The following SLC39A4 variants were observed in gnomAD, a reference collection of about 807,000 sequenced individuals.
SLC39A4 encodes solute carrier family 39 member 4, also known as zinc transporter ZIP4.
Under a neutral mutation model 56.6 loss-of-function variants are expected in SLC39A4, and 49 were observed. The ratio of observed to expected loss-of-function variants is 0.87; its 90% CI spans 0.69 to 1.10. The LOEUF (loss-of-function observed/expected upper bound fraction) is 1.10. Ranked by LOEUF, SLC39A4 falls within the 50% of genes least tolerant of loss-of-function variation. The probability of loss-of-function intolerance (pLI) is 0.00; values close to 1 mark genes in which losing one functional copy is unlikely to be tolerated. For synonymous variants in SLC39A4, 540 were observed against 420.4 expected (o/e 1.28, Z -3.48); for missense variants, 993 against 864.2 (o/e 1.15, Z -1.87).
At position 144,412,589 on chromosome 8, in the gene SLC39A4, G is replaced by A. The variant is rs369599260; in HGVS notation, c.1893C>T (p.Gly631=). 5.6e-6 allele frequency: 9 copies of A among 1,614,186 alleles called. No individual in the cohort carries two copies. The South Asian group carries it at 9.9e-5, about 18-fold the overall frequency. ...FLLHNVGLLG[G]WTVLLLLSLY... ...GGGACAGCAGCAGCAGGACGGTCCAGCCGCCCAGCAGGCCCACGTTGTGCA... is the reference window on the plus strand; with the variant it reads ...GGGACAGCAGCAGCAGGACGGTCCAACCGCCCAGCAGGCCCACGTTGTGCA... Residue 631 remains glycine (G), a synonymous_variant, in exon 12 of 12, where the codon GGC becomes GGT. Transcript: ENST00000301305.
rs201793280 is a variant in SLC39A4 at position 144,415,354 on chromosome 8, G to A, written c.540C>T (p.Gly180=). ...AVGAGAPGSA[G]GVLAALLDHV... ...GGTCCAGCAGGGCAGCCAGGACGCC[G>A]CCAGCACTGCCCGGAGCCCCCGCCC... is the stretch of plus-strand genomic sequence containing the variant. Residue 180 remains glycine, a synonymous_variant, in exon 3 of 12, where the codon GGC becomes GGT. Transcript: ENST00000301305. 1.4e-4 allele frequency: 226 copies of A among 1,611,082 alleles called. No individual in the cohort carries two copies. The highest frequency in any genetic ancestry group is 8.4e-4 in the Admixed American group (50 of 59,774).
rs1174604218 is a variant in SLC39A4, at chr8:144,412,639, G to A, written c.1843C>T (p.Pro615Ser). The change falls in exon 12 of 12, where the codon CCG (proline) becomes TCG (serine). Residue 615 changes from proline (P) to serine (S), a missense_variant. By Grantham distance (74) the Pro-to-Ser change is moderately conservative. Coordinates refer to ENST00000301305, the MANE Select transcript of SLC39A4 (RefSeq NM_130849.4). ...AGCAGGAAGAGGAGCCAGGGCCGCG[G>A]GTCCCGTACTTTCAACATCGCCGGG... is the stretch of plus-strand genomic sequence containing the variant. Reference protein sequence around the residue: ...MLPAMLKVRDPRPWLLFLLHN... With the variant: ...MLPAMLKVRDSRPWLLFLLHN... The A allele has an allele frequency of 2.5e-6, 4 of 1,614,104 alleles. No homozygotes were observed. In the African/African-American group the frequency reaches 4.0e-5, roughly 16 times the overall value.
intron 7 of SLC39A4, 28 bp from the exon 8 acceptor site, chr8:144,413,909 C>T (rs1554872712): frequency 7.5e-6 from 12 of 1,609,752 alleles, no homozygotes; most frequent in Non-Finnish European, 1.0e-5. Context: ...CAGTGTCCAC[C>T]AGGCCCCCAG....
chr8:144,415,778 C>A (rs1554873756), intron 2 of SLC39A4, 32 bp downstream of exon 2: 1 of 1,578,862 alleles, frequency 6.3e-7, no homozygotes, highest in East Asian at 2.3e-5. Context: ...CCTCCTCACC[C>A]ACTCCCCTGG....
In SLC39A4 at chr8:144,414,715, G is replaced by A. The variant is rs782544692; in HGVS notation, c.976+10C>T. ...TGTGCTGCCAGCACAATGTCGGCGTGGGCACTCACTCTCTGACTGGCTGAG... is the reference window on the plus strand; with the variant it reads ...TGTGCTGCCAGCACAATGTCGGCGTAGGCACTCACTCTCTGACTGGCTGAG... On this transcript the variant is annotated intron_variant, in intron 5 of 11. Transcript: ENST00000301305. 3 of 1,612,220 alleles carry A rather than the reference G, an allele frequency of 1.9e-6. No homozygotes were observed. The highest frequency in any genetic ancestry group is 3.3e-5 in the Admixed American group (2 of 60,000).
chr8:144,412,860 C>T lies in SLC39A4; in HGVS notation c.1714G>A (p.Gly572Ser), dbSNP rs782814902. 1 of 1,612,288 alleles carries T rather than the reference C, an allele frequency of 6.2e-7. No individual in the cohort carries two copies. Among genetic ancestry groups the T allele is most frequent in the East Asian group, 2.2e-5 (1 of 44,876 alleles). ...NLASALTAFA[G>S]LYVALAVGVS... Reference sequence around the variant, plus strand: ...CCAACCGCGAGTGCCACGTAGAGACCAGCGAAGGCCGTGAGCGCGGAGGCC... The same window carrying T: ...CCAACCGCGAGTGCCACGTAGAGACTAGCGAAGGCCGTGAGCGCGGAGGCC... The change falls in exon 11 of 12, where the codon GGT becomes AGT. Residue 572 changes from glycine (G) to serine (S), a missense_variant. Gly to Ser is a moderately conservative substitution (Grantham distance 56, BLOSUM62 0). Coordinates refer to ENST00000301305, the MANE Select transcript of SLC39A4 (RefSeq NM_130849.4).
chr8:144,416,303 C>A, intron 1 of SLC39A4: 1 of 1,517,274 alleles, frequency 6.6e-7, no homozygotes, highest in South Asian at 1.2e-5. Flanking sequence ...CAACAGTGGT[C>A]CCCCATCCCC....
At position 144,412,672 on chromosome 8, in the gene SLC39A4, G is replaced by T; in HGVS notation, c.1816-6C>A. The T allele has an allele frequency of 6.2e-7, 1 of 1,613,830 alleles. No individual in the cohort carries two copies. The highest frequency in any genetic ancestry group is 1.1e-5 in the South Asian group (1 of 91,068). On this transcript the variant is annotated splice_polypyrimidine_tract_variant and splice_region_variant and intron_variant, in intron 11 of 11. Transcript: ENST00000301305. ...ACTTTCAACATCGCCGGGAGCTGAG[G>T]AGCAAGTGGGCACCGGGTCAGCGCC... is the stretch of plus-strand genomic sequence containing the variant.
Position 144,413,282 on chromosome 8 carries a change from C to T in SLC39A4, c.1582G>A (p.Ala528Thr). 6.3e-7 allele frequency: 1 copy of T among 1,598,806 alleles called. No homozygotes were observed. Residue 528 changes from alanine to threonine, a missense_variant, in exon 10 of 12, where the codon GCC becomes ACC. Coordinates refer to ENST00000301305, the MANE Select transcript of SLC39A4 (RefSeq NM_130849.4). The stretch of plus-strand genomic sequence containing the variant: ...TGGCAGAACACGGCCAGCGAGGTGG[C>T]CAGCCCGGTCTTCCAGGAGGACGCG... ...AFASSWKTGL[A>T]TSLAVFCHEL...
Position 144,413,244 on chromosome 8 carries a change from G to A in SLC39A4, c.1620C>T (p.His540=), listed in dbSNP as rs547710676. 5 of 1,582,964 alleles carry A rather than the reference G, an allele frequency of 3.2e-6. No individual in the cohort carries two copies. The highest frequency in any genetic ancestry group is 1.3e-5 in the African/African-American group (1 of 74,720). Residue 540 remains histidine (H), a synonymous_variant, in exon 10 of 12, where the codon CAC becomes CAT. Coordinates refer to ENST00000301305, the MANE Select transcript of SLC39A4 (RefSeq NM_130849.4). ...GGCCCCGCCTGCGCTCACCCAGCTC[G>A]TGTGGCAACTCGTGGCAGAACACGG... is the stretch of plus-strand genomic sequence containing the variant. ...SLAVFCHELP[H]ELGDFAALLH...
In SLC39A4 at chr8:144,413,322, G is replaced by T. The variant is rs782295918; in HGVS notation, c.1542C>A (p.Ala514=). The part of the protein sequence containing the change: ...DAVHNFADGL[A]VGAAFASSWK... Reference sequence around the variant, plus strand: ...AGGAGGACGCGAAGGCGGCGCCCACGGCCAGCCCGTCGGCGAAGTTGTGCA... The same window carrying T: ...AGGAGGACGCGAAGGCGGCGCCCACTGCCAGCCCGTCGGCGAAGTTGTGCA... Residue 514 remains alanine, a synonymous_variant, in exon 10 of 12, where the codon GCC becomes GCA. Coordinates refer to ENST00000301305, the MANE Select transcript of SLC39A4 (RefSeq NM_130849.4). The T allele has an allele frequency of 6.2e-7, 1 of 1,605,124 alleles. No individual in the cohort carries two copies. The highest frequency in any genetic ancestry group is 1.7e-4 in the Middle Eastern group (1 of 6,054).
In SLC39A4 at chr8:144,415,102, C is replaced by T. The variant is rs781897281; in HGVS notation, c.676G>A (p.Ala226Thr). 3.1e-6 allele frequency: 5 copies of T among 1,612,204 alleles called. No individual in the cohort carries two copies. Among genetic ancestry groups the T allele is most frequent in the Non-Finnish European group, 4.2e-6 (5 of 1,179,908 alleles). The stretch of plus-strand genomic sequence containing the variant: ...CCCACCCCCAGGCGCTGCATCAAGG[C>T]TGACAGCTCTGGCAGGGAGAAGAGT... The part of the protein sequence containing the change: ...EVPMTLAELS[A>T]LMQRLGVGRE... Residue 226 changes from alanine to threonine, a missense_variant, in exon 4 of 12, where the codon GCC (alanine) becomes ACC (threonine). Ala to Thr is a moderately conservative substitution (Grantham distance 58, BLOSUM62 0). Transcript: ENST00000301305.
rs1396929297 is a variant in SLC39A4 at position 144,415,002 on chromosome 8, G to T, written c.776C>A (p.Ser259Tyr). 2.5e-6 allele frequency: 4 copies of T among 1,612,164 alleles called. No homozygotes were observed. In the African/African-American group the frequency reaches 5.3e-5, roughly 22 times the overall value. ...GTCCCACACACTGGAGCTGTTGCTGGAGCTGATGAGGGGCACAGGGTCCCG... is the reference window on the plus strand; with the variant it reads ...GTCCCACACACTGGAGCTGTTGCTGTAGCTGATGAGGGGCACAGGGTCCCG... ...SSRDPVPLISSSNSSSVWDTV... is the reference protein window; with the variant it reads ...SSRDPVPLISYSNSSSVWDTV... Residue 259 changes from serine (S) to tyrosine (Y), a missense_variant, in exon 4 of 12, where the codon TCC becomes TAC. Ser to Tyr is a moderately radical substitution (Grantham distance 144). Transcript: ENST00000301305.
At position 144,415,900 on chromosome 8, in the gene SLC39A4, G is replaced by A. The variant is rs1554873836; in HGVS notation, c.384C>T (p.Ala128=). 1 of 1,596,320 alleles carries A rather than the reference G, an allele frequency of 6.3e-7. No homozygotes were observed. The highest frequency in any genetic ancestry group is 8.5e-7 in the Non-Finnish European group (1 of 1,174,570). The part of the protein sequence containing the change: ...LWASHADHLL[A]LLESPKALTP... ...TCAGGGCCTTGGGGCTCTCGAGCAG[G>A]GCCAGGAGGTGGTCTGCATGAGAGG... Residue 128 remains alanine, a synonymous_variant, in exon 2 of 12, where the codon GCC becomes GCT. Coordinates refer to ENST00000301305, the MANE Select transcript of SLC39A4 (RefSeq NM_130849.4).
intron 1 of SLC39A4, 45 bp from the exon 2 acceptor site, chr8:144,416,136 A>G (rs782710935): frequency 6.3e-7 from 1 of 1,598,790 alleles, no homozygotes; most frequent in Non-Finnish European, 8.5e-7. Context: ...CCCACCAGGG[A>G]GGGGAGAGGC....
Position 144,412,750 on chromosome 8 carries a change from C to A in SLC39A4, c.1815+9G>T, listed in dbSNP as rs782660340. ...GGCCCAGAGCAGCCCCTCCCCTCGC[C>A]ATCCTGACCATGTCGCAGAGTGCTA... On this transcript the variant is annotated intron_variant, in intron 11 of 11. Coordinates refer to ENST00000301305, the MANE Select transcript of SLC39A4 (RefSeq NM_130849.4). 6.2e-7 allele frequency: 1 copy of A among 1,613,202 alleles called. No homozygotes were observed. Among genetic ancestry groups the A allele is most frequent in the Non-Finnish European group, 8.5e-7 (1 of 1,179,962 alleles).
chr8:144,416,629 C>T lies in SLC39A4; in HGVS notation c.161G>A (p.Arg54His), dbSNP rs782126735. The change falls in exon 1 of 12, where the codon CGT (arginine) becomes CAT (histidine). Residue 54 changes from arginine to histidine, a missense_variant. Transcript: ENST00000301305. ...ACACGGCCCGTTGGCGCAGTGCACA[C>T]GGTCCGCCAGCGTATTTAACAGGCC... ...LGGLLNTLAD[R>H]VHCANGPCGK... is the part of the protein sequence containing the mutation. 4.3e-5 allele frequency: 69 copies of T among 1,602,104 alleles called. No homozygotes were observed. The Middle Eastern group carries it at 8.4e-4, about 20-fold the overall frequency.
At chr8:144,414,596 C>G in intron 5 of SLC39A4, 129 bp downstream of exon 5, 1 of 1,502,336 alleles carries the variant, frequency 6.7e-7, no homozygotes, top group Non-Finnish European at 9.0e-7. Context: ...GCCACCTTCC[C>G]CTGTGTCTGT....
rs782025085 is a variant in SLC39A4 at position 144,412,583 on chromosome 8, G to T, written c.1899C>A (p.Thr633=). 1 of 1,614,176 alleles carries T rather than the reference G, an allele frequency of 6.2e-7. No homozygotes were observed. Among genetic ancestry groups the T allele is most frequent in the Non-Finnish European group, 8.5e-7 (1 of 1,180,032 alleles). Residue 633 remains threonine, a synonymous_variant, in exon 12 of 12, where the codon ACC becomes ACA. Coordinates refer to ENST00000301305, the MANE Select transcript of SLC39A4 (RefSeq NM_130849.4). ...CGTACAGGGACAGCAGCAGCAGGACGGTCCAGCCGCCCAGCAGGCCCACGT... is the reference window on the plus strand; with the variant it reads ...CGTACAGGGACAGCAGCAGCAGGACTGTCCAGCCGCCCAGCAGGCCCACGT... ...LHNVGLLGGW[T]VLLLLSLYED... is the part of the protein sequence containing the mutation.
Sources: gnomAD v4.1 joint callset for allele counts on GRCh38, gnomAD v4.1.1 for gene constraint, MANE v1.5 for transcripts, NCBI Gene and HGNC (gene_info 2026-07-23, HGNC 2026-07-21) for gene names.